LRRTM4: variants seen among roughly 807,000 people sequenced by gnomAD.
LRRTM4 encodes the protein leucine-rich repeat transmembrane neuronal protein 4.
Under a neutral mutation model 47.6 loss-of-function variants are expected in LRRTM4, and 25 were observed. The observed-to-expected ratio is 0.53, with a 90% CI of 0.38 to 0.73. The LOEUF (loss-of-function observed/expected upper bound fraction) is 0.73. Ranked by LOEUF, LRRTM4 falls within the 30% of genes least tolerant of loss-of-function variation. The pLI, the probability that LRRTM4 is intolerant of heterozygous loss-of-function variation, is 0.00. For missense variants in LRRTM4, 638 were observed against 713.4 expected (o/e 0.89, Z 1.20); for synonymous variants, 311 against 269.5 (o/e 1.15, Z -1.51).
At chr2:76,992,980 C>T (rs561765241) in intron 3 of LRRTM4, among the ~76,000 whole-genome samples, 6 of 151,860 alleles carry the variant, frequency 4.0e-5, no homozygotes, top group African/African-American at 1.2e-4. Context: ...ACACCTACAA[C>T]CATCTGATCT....
At chr2:77,447,263 G>A (rs1002633151) in intron 3 of LRRTM4, among the ~76,000 whole-genome samples, 2 of 152,064 alleles carry the variant, frequency 1.3e-5, no homozygotes, top group Admixed American at 1.3e-4. Flanking sequence ...ATGTGTGTCT[G>A]TGTGTCTATG....
intron 3 of LRRTM4, among the ~76,000 whole-genome samples, chr2:77,269,432 G>C (rs1298567115): frequency 6.6e-6 from 1 of 152,046 alleles, no homozygotes; most frequent in Admixed American, 6.6e-5. Context: ...AAAAGTACAT[G>C]ATAAAAAGAA....
chr2:76,901,917 A>G (rs143875680), intron 3 of LRRTM4, among the ~76,000 whole-genome samples: 67 of 152,296 alleles, frequency 4.4e-4, no homozygotes, highest in African/African-American at 1.5e-3. Context: ...CCTAAATTCC[A>G]TATATAATCT....
chr2:77,092,396 G>A lies in LRRTM4; in HGVS notation c.1552-343480C>T, dbSNP rs180882027. Among the ~76,000 whole-genome samples, 858 of 150,228 alleles carry A rather than the reference G, an allele frequency of 5.7e-3. 10 individuals carry two copies. The highest frequency in any genetic ancestry group is 0.019 in the African/African-American group (780 of 40,160). ...CACCAGGCCTAATTGCCACACACCA[G>A]CAAAGGCAGGTTATGCTATAGTACA... On this transcript the variant is annotated intron_variant, in intron 3 of 3. Coordinates refer to ENST00000409884, the MANE Select transcript of LRRTM4 (RefSeq NM_001134745.3).
intron 3 of LRRTM4, among the ~76,000 whole-genome samples, chr2:77,092,646 A>C (rs1021259889): frequency 1.4e-5 from 2 of 144,910 alleles, no homozygotes; most frequent in African/African-American, 5.6e-5. Context: ...AATACCTCTT[A>C]GTCTAGGTAG....
chr2:76,981,591 C>A (rs997866585), intron 3 of LRRTM4, among the ~76,000 whole-genome samples: 1 of 152,002 alleles, frequency 6.6e-6, no homozygotes, highest in Admixed American at 6.6e-5. Flanking sequence ...AACTCCTGGG[C>A]TCAAGGCACC....
In LRRTM4 at chr2:77,316,040, G is replaced by T. The variant is rs527947753; in HGVS notation, c.1551+202278C>A. Among the ~76,000 whole-genome samples, 29 of 152,266 alleles carry T rather than the reference G, an allele frequency of 1.9e-4. No homozygotes were observed. In the South Asian group the frequency reaches 6.0e-3, roughly 32 times the overall value. On this transcript the variant is annotated intron_variant, in intron 3 of 3. Coordinates refer to ENST00000409884, the MANE Select transcript of LRRTM4 (RefSeq NM_001134745.3). ...TGGAACAGGGAATCTAAATTTGGTG[G>T]TCTGTCTTCTATTGTTGGCAATAAA...
chr2:77,280,636 T>C (rs1676483894), intron 3 of LRRTM4, among the ~76,000 whole-genome samples: 1 of 151,994 alleles, frequency 6.6e-6, no homozygotes, highest in African/African-American at 2.4e-5. Flanking sequence ...TGCCCGTTAC[T>C]ATTCACAAGA....
chr2:77,385,233 C>G (rs1673217030), intron 3 of LRRTM4, among the ~76,000 whole-genome samples: 1 of 152,130 alleles, frequency 6.6e-6, no homozygotes, highest in Non-Finnish European at 1.5e-5. Context: ...AGATTATACT[C>G]TAATGAACCA....
chr2:77,268,084 A>AG (rs1573170925), intron 3 of LRRTM4, among the ~76,000 whole-genome samples: 2 of 152,216 alleles, frequency 1.3e-5, no homozygotes, highest in East Asian at 3.9e-4. Flanking sequence ...CCCTTAGATA[A>AG]TCTGATCTAT....
At position 76,812,214 on chromosome 2, in the gene LRRTM4, T is replaced by C. The variant is rs370691038; in HGVS notation, c.1552-63298A>G. Among the ~76,000 whole-genome samples, 192 of 152,258 alleles carry C rather than the reference T, an allele frequency of 1.3e-3. 2 individuals are homozygous for C. The highest frequency in any genetic ancestry group is 4.4e-3 in the African/African-American group (183 of 41,574). ...AATGCATGCTTCCTCCTACCCCATATATCTAATCCAATTTTCAGATCTAGG... is the reference window on the plus strand; with the variant it reads ...AATGCATGCTTCCTCCTACCCCATACATCTAATCCAATTTTCAGATCTAGG... On this transcript the variant is annotated intron_variant, in intron 3 of 3. Coordinates refer to ENST00000409884, the MANE Select transcript of LRRTM4 (RefSeq NM_001134745.3).
At chr2:77,012,316 T>C (rs1677905235) in intron 3 of LRRTM4, among the ~76,000 whole-genome samples, 1 of 152,082 alleles carries the variant, frequency 6.6e-6, no homozygotes, top group Non-Finnish European at 1.5e-5. Context: ...GAAATCAGTA[T>C]TATAACACAG....
At chr2:77,246,337 G>T (rs780727299) in intron 3 of LRRTM4, among the ~76,000 whole-genome samples, 20 of 152,098 alleles carry the variant, frequency 1.3e-4, no homozygotes, top group Non-Finnish European at 2.8e-4. Context: ...TACTCAGAAG[G>T]CATGGGTCCA....
intron 3 of LRRTM4, among the ~76,000 whole-genome samples, chr2:76,774,874 G>C (rs896881199): frequency 2.6e-5 from 4 of 152,168 alleles, no homozygotes; most frequent in Non-Finnish European, 4.4e-5. Flanking sequence ...GTCAAAGTTA[G>C]TCTTAAATAA....
intron 3 of LRRTM4, among the ~76,000 whole-genome samples, chr2:77,373,027 G>A (rs1361129143): frequency 6.8e-6 from 1 of 147,542 alleles, no homozygotes; most frequent in Non-Finnish European, 1.5e-5. Context: ...AATGGCATCT[G>A]CTTATAAACT....
At chr2:76,864,329 G>A (rs1394149312) in intron 3 of LRRTM4, among the ~76,000 whole-genome samples, 1 of 152,276 alleles carries the variant, frequency 6.6e-6, no homozygotes, top group Admixed American at 6.5e-5. Context: ...GATTGGTTAT[G>A]AAAACATTTA....
chr2:77,239,236 T>A (rs1675193934), intron 3 of LRRTM4, among the ~76,000 whole-genome samples: 1 of 151,898 alleles, frequency 6.6e-6, no homozygotes, highest in African/African-American at 2.4e-5. Flanking sequence ...AATATACTAG[T>A]GTGCATACTA....
chr2:77,015,889 G>A (rs954150769), intron 3 of LRRTM4, among the ~76,000 whole-genome samples: 1 of 151,996 alleles, frequency 6.6e-6, no homozygotes, highest in Non-Finnish European at 1.5e-5. Context: ...GTCTGAGATG[G>A]GTGGATTACT....
intron 3 of LRRTM4, among the ~76,000 whole-genome samples, chr2:76,951,689 C>A (rs577780041): frequency 1.3e-5 from 2 of 151,840 alleles, no homozygotes; most frequent in Non-Finnish European, 2.9e-5. Flanking sequence ...TAGGTATACA[C>A]GTGCCATGGT....
Sources: allele counts gnomAD v4.1 joint callset (sites outside exome capture counted in the v4.1 genomes callset), GRCh38; gene constraint gnomAD v4.1.1; transcripts MANE v1.5; gene names NCBI Gene and HGNC (gene_info 2026-07-23, HGNC 2026-07-21).